NAV3: variants seen among roughly 807,000 people sequenced by gnomAD.
The protein encoded by NAV3 is pore membrane and/or filament interacting like protein 1.
In NAV3, 87 loss-of-function variants were observed where a neutral mutation model predicts 244.7. The observed-to-expected ratio is 0.36, with a 90% CI of 0.30 to 0.42. The LOEUF (loss-of-function observed/expected upper bound fraction) is 0.42. NAV3 is among the 20% of genes least tolerant of loss of function. NAV3 has a pLI of 1.00. For synonymous variants in NAV3, 1,126 were observed against 1,042.2 expected (o/e 1.08, Z -1.55); for missense variants, 2,663 against 2,893.3 (o/e 0.92, Z 1.83).
intron 20 of NAV3, among the ~76,000 whole-genome samples, chr12:78,142,158 A>T (rs976661277): frequency 1.3e-5 from 2 of 152,112 alleles, no homozygotes; most frequent in African/African-American, 4.8e-5. Flanking sequence ...GAAGAATGGG[A>T]TATTCCACTT....
chr12:78,134,856 G>A (rs1041301203), intron 18 of NAV3, among the ~76,000 whole-genome samples: 6 of 152,172 alleles, frequency 3.9e-5, no homozygotes, highest in African/African-American at 1.4e-4. Context: ...TTAATAAAAG[G>A]TTAGTGGCTT....
At chr12:78,097,250 C>G (rs1028293025) in intron 12 of NAV3, among the ~76,000 whole-genome samples, 28 of 152,196 alleles carry the variant, frequency 1.8e-4, no homozygotes, top group African/African-American at 6.3e-4. Context: ...AATCCCTTTC[C>G]TCTGTTAAGA....
chr12:78,036,983 A>G (rs1211806951), intron 9 of NAV3: 2 of 702,898 alleles, frequency 2.8e-6, no homozygotes, highest in Non-Finnish European at 5.2e-6. Context: ...GGGAGAGGAG[A>G]CCCACGGTGC....
At chr12:77,766,795 C>T (rs1403326353) in intron 2 of NAV3, among the ~76,000 whole-genome samples, 3 of 119,308 alleles carry the variant, frequency 2.5e-5, no homozygotes, top group Non-Finnish European at 4.8e-5. Context: ...GCTCTGTCAC[C>T]CAGGCTGGAG....
At chr12:78,048,037 G>A (rs1023480214) in intron 9 of NAV3, among the ~76,000 whole-genome samples, 4 of 151,928 alleles carry the variant, frequency 2.6e-5, no homozygotes, top group African/African-American at 7.3e-5. Flanking sequence ...GAAGAATTTC[G>A]TGCTATGTTT....
chr12:77,655,561 A>G (rs999231938), intron 2 of NAV3, among the ~76,000 whole-genome samples: 17 of 152,200 alleles, frequency 1.1e-4, no homozygotes, highest in African/African-American at 3.4e-4. Context: ...AACTTCCCCA[A>G]TCTAGCAAGG....
chr12:78,017,163 T>C (rs1273238607), intron 8 of NAV3, among the ~76,000 whole-genome samples: 1 of 152,166 alleles, frequency 6.6e-6, no homozygotes, highest in Non-Finnish European at 1.5e-5. Flanking sequence ...TTTTGAGTGA[T>C]AGGCTCTAGG....
intron 7 of NAV3, among the ~76,000 whole-genome samples, chr12:78,002,239 G>A (rs1211072159): frequency 2.6e-5 from 4 of 152,132 alleles, no homozygotes; most frequent in Admixed American, 2.0e-4. Flanking sequence ...ATCATTTGAT[G>A]GAGTTCCTTA....
chr12:78,210,736 T>C lies in NAV3; in HGVS notation c.*219T>C. On this transcript the variant is annotated 3_prime_UTR_variant, in exon 40 of 40. Coordinates refer to ENST00000397909, the MANE Select transcript of NAV3 (RefSeq NM_001024383.2). Reference sequence around the variant, plus strand: ...TTTATTTCTAAGCATTTTTTATATCTGTGGAGTAATAGAAAGCTCCATTAC... The same window carrying C: ...TTTATTTCTAAGCATTTTTTATATCCGTGGAGTAATAGAAAGCTCCATTAC... 1.8e-6 allele frequency: 1 copy of C among 544,054 alleles called. No homozygotes were observed. Among genetic ancestry groups the C allele is most frequent in the Non-Finnish European group, 3.2e-6 (1 of 308,542 alleles). The allele number at this position is 544,054 out of a possible 1,614,324, so 33.7% of individuals were successfully genotyped here.
chr12:77,917,574 T>C (rs1887275300), intron 1 of NAV3, among the ~76,000 whole-genome samples: 1 of 152,040 alleles, frequency 6.6e-6, no homozygotes, highest in African/African-American at 2.4e-5. Context: ...ATTGTCTTAC[T>C]TGAAGTGCCT....
chr12:78,119,985 T>A (rs2138643718), intron 15 of NAV3, 40 bp downstream of exon 15: 1 of 1,527,300 alleles, frequency 6.5e-7, no homozygotes, highest in South Asian at 1.2e-5. Context: ...ATATAAAGGA[T>A]AAATATGTGT....
At chr12:77,752,756 T>A (rs887459002) in intron 2 of NAV3, among the ~76,000 whole-genome samples, 2 of 152,146 alleles carry the variant, frequency 1.3e-5, no homozygotes, top group Non-Finnish European at 2.9e-5. Flanking sequence ...GGCAAGCGAC[T>A]GAATACAGTG....
intron 11 of NAV3, among the ~76,000 whole-genome samples, chr12:78,054,744 C>T (rs578007001): frequency 1.8e-4 from 27 of 152,144 alleles, no homozygotes; most frequent in Admixed American, 3.9e-4. Flanking sequence ...AAGATACCTA[C>T]ATCATAAGCA....
intron 2 of NAV3, among the ~76,000 whole-genome samples, chr12:77,817,350 TAAG>T (rs1872564421): frequency 6.6e-6 from 1 of 152,206 alleles, no homozygotes; most frequent in Non-Finnish European, 1.5e-5. Flanking sequence ...TGCAGAATAA[TAAG>T]CCCTGCTCTT....
At chr12:77,970,737 G>A (rs2138036508) in intron 5 of NAV3, among the ~76,000 whole-genome samples, 1 of 152,164 alleles carries the variant, frequency 6.6e-6, no homozygotes, top group East Asian at 1.9e-4. Context: ...TAAGCATATA[G>A]AAGAACAAAG....
intron 1 of NAV3, among the ~76,000 whole-genome samples, chr12:77,861,227 TTTC>T (rs1879214787): frequency 6.6e-6 from 1 of 151,834 alleles, no homozygotes; most frequent in Non-Finnish European, 1.5e-5. Context: ...ACCGTGTATC[TTTC>T]TTCTTTTTTT....
chr12:78,193,871 T>A (rs560798041), intron 34 of NAV3, among the ~76,000 whole-genome samples: 3 of 152,056 alleles, frequency 2.0e-5, no homozygotes, highest in Non-Finnish European at 4.4e-5. Flanking sequence ...ACCTGCTAAT[T>A]ACAAAACTCA....
intron 35 of NAV3, among the ~76,000 whole-genome samples, chr12:78,197,998 T>C (rs1959207944): frequency 6.6e-6 from 1 of 151,840 alleles, no homozygotes; most frequent in South Asian, 2.1e-4. Flanking sequence ...TTTTTAACTA[T>C]TTACAATAAA....
intron 1 of NAV3, among the ~76,000 whole-genome samples, chr12:77,866,430 G>C (rs1398961474): frequency 6.6e-6 from 1 of 152,104 alleles, no homozygotes; most frequent in Non-Finnish European, 1.5e-5. Flanking sequence ...AGGCCCCCTG[G>C]TCTATGCAGC....
Sources: allele counts gnomAD v4.1 joint callset (sites outside exome capture counted in the v4.1 genomes callset), GRCh38; gene constraint gnomAD v4.1.1; transcripts MANE v1.5; gene names NCBI Gene and HGNC (gene_info 2026-07-23, HGNC 2026-07-21).